Variants in LIMCH1 observed in about 807,000 individuals in gnomAD.
The protein encoded by LIMCH1 is LIM and calponin homology domains 1.
A neutral mutation model predicts 176.5 loss-of-function variants in LIMCH1; 113 were observed. The observed-to-expected ratio is 0.64, with a 90% CI of 0.55 to 0.75. LIMCH1 has a LOEUF of 0.75. LIMCH1 is among the 30% of genes least tolerant of loss of function. LIMCH1 has a pLI of 0.00. For missense variants in LIMCH1, 1,674 were observed against 1,814.9 expected, an observed-to-expected ratio of 0.92 and a Z score of 1.41; for synonymous variants, 619 against 645.9, an observed-to-expected ratio of 0.96 and a Z score of 0.63.
chr4:41,446,632 A>T (rs1318477473), intron 1 of LIMCH1, among the ~76,000 whole-genome samples: 1 of 152,198 alleles, frequency 6.6e-6, no homozygotes, highest in Non-Finnish European at 1.5e-5. Flanking sequence ...AACTACATGA[A>T]CCCTTAGGCA....
chr4:41,533,221 C>T (rs1561658373), upstream of LIMCH1, among the ~76,000 whole-genome samples: 1 of 152,146 alleles, frequency 6.6e-6, no homozygotes, highest in Non-Finnish European at 1.5e-5. Context: ...AGTCACAGTC[C>T]TTTATAACCT....
At chr4:41,557,967 A>G (rs967569846) in intron 1 of LIMCH1, among the ~76,000 whole-genome samples, 14 of 152,010 alleles carry the variant, frequency 9.2e-5, no homozygotes, top group African/African-American at 1.7e-4. Flanking sequence ...TTGATGTCCA[A>G]CAGCTAGGTT....
At chr4:41,518,007 G>A (rs1395093660) in intron 2 of LIMCH1, among the ~76,000 whole-genome samples, 1 of 152,072 alleles carries the variant, frequency 6.6e-6, no homozygotes, top group Non-Finnish European at 1.5e-5. Flanking sequence ...TTGTTGCAAA[G>A]AATAAAGTGA....
At chr4:41,430,499 A>C (rs774687537) in intron 1 of LIMCH1, among the ~76,000 whole-genome samples, 11 of 152,154 alleles carry the variant, frequency 7.2e-5, no homozygotes, top group Non-Finnish European at 1.5e-4. Context: ...CCTGACCTCA[A>C]GATCTGTCTG....
intron 1 of LIMCH1, among the ~76,000 whole-genome samples, chr4:41,590,549 C>T (rs2087344381): frequency 6.6e-6 from 1 of 152,174 alleles, no homozygotes; most frequent in Admixed American, 6.5e-5. Context: ...AGATCTTTAG[C>T]AAGACACTCA....
intron 1 of LIMCH1, among the ~76,000 whole-genome samples, chr4:41,398,055 C>G (rs897268303): frequency 2.0e-5 from 3 of 151,756 alleles, no homozygotes; most frequent in African/African-American, 7.3e-5. Context: ...AAACCCATGT[C>G]CATGTACCAG....
chr4:41,557,178 A>G (rs1056764614), intron 1 of LIMCH1, among the ~76,000 whole-genome samples: 19 of 152,172 alleles, frequency 1.2e-4, no homozygotes, highest in African/African-American at 4.1e-4. Context: ...GGGCCGTTGT[A>G]AAATGGTTCT....
At chr4:41,395,779 T>A (rs1441950598) in intron 1 of LIMCH1, among the ~76,000 whole-genome samples, 1 of 152,170 alleles carries the variant, frequency 6.6e-6, no homozygotes, top group African/African-American at 2.4e-5. Context: ...GGAACTTTTC[T>A]AGCTCCTGGG....
chr4:41,443,192 C>CTTTTTTTTTTTTTTTTTTTTTTTTT (rs916559501), intron 1 of LIMCH1, among the ~76,000 whole-genome samples: 1 of 39,706 alleles, frequency 2.5e-5, no homozygotes, highest in Admixed American at 2.8e-4. Flanking sequence ...TGTTTTTTTT[C>CTTTTTTTTTTTTTTTTTTTTTTTTT]TTTTTTTTTT....
intron 5 of LIMCH1, among the ~76,000 whole-genome samples, chr4:41,615,006 C>T: frequency 6.6e-6 from 1 of 152,170 alleles, no homozygotes; most frequent in East Asian, 1.9e-4. Context: ...CTTGGGGCCA[C>T]ATAGTATGTG....
At chr4:41,657,644 T>G (rs2094500790) in intron 18 of LIMCH1, among the ~76,000 whole-genome samples, 1 of 152,256 alleles carries the variant, frequency 6.6e-6, no homozygotes, top group African/African-American at 2.4e-5. Flanking sequence ...CTTTTTCTCT[T>G]ACTTTATCTG....
intron 1 of LIMCH1, among the ~76,000 whole-genome samples, chr4:41,399,294 G>GA (rs1281053729): frequency 9.2e-4 from 138 of 150,708 alleles, no homozygotes; most frequent in African/African-American, 2.4e-3. Context: ...CACAAATAAG[G>GA]AAAAAAAAAC....
At position 41,620,694 on chromosome 4, in the gene LIMCH1, A is replaced by G. The variant is rs1229377809; in HGVS notation, c.725+4A>G. The G allele has an allele frequency of 2.6e-6, 4 of 1,529,656 alleles. No homozygotes were observed. In the East Asian group the frequency reaches 9.8e-5, roughly 37 times the overall value. The allele number at this position is 1,529,656 out of a possible 1,614,324, so 94.8% of individuals were successfully genotyped here. A position where few individuals can be genotyped will look rare whatever the true frequency, so the allele number is the denominator to read the frequency against. ...CAGCAGCACAGCGCTTTGCCAGGTC[A>G]GCTCTGGGCTGAGGGCTGGCCCGGC... On this transcript the variant is annotated splice_donor_region_variant and intron_variant, in intron 7 of 31. Coordinates refer to ENST00000503057, the MANE Select transcript of LIMCH1 (RefSeq NM_001330672.2).
chr4:41,652,407 C>T (rs17590121), intron 18 of LIMCH1, among the ~76,000 whole-genome samples: 11,256 of 152,198 alleles, frequency 0.074, 502 homozygotes, highest in South Asian at 0.14. Context: ...CAGGCCACTG[C>T]GGAGTCTCTC....
At chr4:41,361,018 C>T (rs1449972533) in intron 1 of LIMCH1, 1 of 992,756 alleles carries the variant, frequency 1.0e-6, no homozygotes, top group Non-Finnish European at 1.4e-6. Context: ...CAGGTCCAGC[C>T]TTGCCTCCCC....
intron 3 of LIMCH1, among the ~76,000 whole-genome samples, chr4:41,531,995 T>G (rs1212882222): frequency 3.3e-5 from 5 of 152,144 alleles, no homozygotes; most frequent in Admixed American, 2.0e-4. Context: ...TGACACACTT[T>G]CCTTTATCCT....
At chr4:41,542,802 C>T (rs1317864020) in intron 1 of LIMCH1, among the ~76,000 whole-genome samples, 1 of 152,138 alleles carries the variant, frequency 6.6e-6, no homozygotes, top group African/African-American at 2.4e-5. Flanking sequence ...TATGTAAGTG[C>T]AGGTATCTAC....
chr4:41,524,523 C>T, intron 3 of LIMCH1: 1 of 1,424,666 alleles, frequency 7.0e-7, no homozygotes, highest in South Asian at 1.2e-5. Flanking sequence ...TTCCTTTGCT[C>T]TAACCTAGGG....
intron 13 of LIMCH1, among the ~76,000 whole-genome samples, chr4:41,638,132 G>T (rs1348107761): frequency 6.9e-6 from 1 of 145,312 alleles, no homozygotes; most frequent in African/African-American, 2.6e-5. Flanking sequence ...TGTTGTTGTT[G>T]TTTTTTCATG....
Sources: gnomAD v4.1 joint callset for allele counts (sites outside exome capture counted in the v4.1 genomes callset) on GRCh38, gnomAD v4.1.1 for gene constraint, MANE v1.5 for transcripts, NCBI Gene and HGNC (gene_info 2026-07-23, HGNC 2026-07-21) for gene names.